Variants in SYNE2 observed in about 807,000 individuals in gnomAD.
SYNE2 encodes nesprin-2.
Under a neutral mutation model 856.3 loss-of-function variants are expected in SYNE2, and 431 were observed. The observed-to-expected ratio is 0.50, with a 90% CI of 0.47 to 0.55. SYNE2 has a LOEUF of 0.55. SYNE2 is among the 20% of genes least tolerant of loss of function. The pLI is 0.00. For synonymous variants in SYNE2, 2,923 were observed against 2,872.3 expected (o/e 1.02, Z -0.56); for missense variants, 8,129 against 8,023.2 (o/e 1.01, Z -0.50).
In SYNE2 at chr14:64,225,033, A is replaced by C. The variant is rs1361721914; in HGVS notation, c.20504A>C (p.Glu6835Ala). 14 of 1,613,732 alleles carry C rather than the reference A, an allele frequency of 8.7e-6. No individual in the cohort carries two copies. The highest frequency in any genetic ancestry group is 4.5e-5 in the East Asian group (2 of 44,870). The change falls in exon 115 of 116, where the codon GAG becomes GCG. Residue 6835 changes from glutamate (E) to alanine (A), a missense_variant. This residue lies in a region of SYNE2 where 5,410 missense variants were observed against 5,284.8 expected (regional missense o/e 1.02). Transcript: ENST00000555002. ...GTGAGAACTACAGAAGGCGAGGAGG[A>C]GACAGAGAGCAGGTAACGGGGCTTT... ...RAVRTTEGEE[E>A]TESRVPGSTR...
rs1330781886 is a variant in SYNE2, at chr14:64,212,869, G to A, written c.18920G>A (p.Gly6307Glu). The A allele has an allele frequency of 3.7e-6, 6 of 1,614,200 alleles. No homozygotes were observed. The highest frequency in any genetic ancestry group is 1.1e-5 in the South Asian group (1 of 91,078). The change falls in exon 105 of 116, where the codon GGG (glycine) becomes GAG (glutamate). Residue 6307 changes from glycine to glutamate, a missense_variant. Physicochemically the swap from Gly to Glu is moderately conservative, Grantham distance 98. Around this residue, in one of 3 missense-constraint regions of SYNE2, gnomAD observed 5,410 missense variants for 5,284.8 expected, o/e 1.02. Transcript: ENST00000555002. ...TNKIDQLIVF[G>E]EQLIQKSEPL... Reference sequence around the variant, plus strand: ...AAGATTGATCAGCTCATTGTGTTTGGGGAGCAGCTGATTCAGAAGAGCGAG... The same window carrying A: ...AAGATTGATCAGCTCATTGTGTTTGAGGAGCAGCTGATTCAGAAGAGCGAG...
intron 96 of SYNE2, among the ~76,000 whole-genome samples, chr14:64,182,879 C>T (rs1019147553): frequency 2.0e-5 from 3 of 152,242 alleles, no homozygotes; most frequent in African/African-American, 7.2e-5. Flanking sequence ...CATCATGGCC[C>T]GTTCTTAATG....
chr14:63,935,290 A>G (rs560341462), intron 2 of SYNE2, among the ~76,000 whole-genome samples: 39 of 152,356 alleles, frequency 2.6e-4, no homozygotes, highest in Admixed American at 9.8e-4. Context: ...AGTGTATATC[A>G]GTAGTCTATA....
rs532258050 is a variant in SYNE2 at position 63,931,687 on chromosome 14, C to G, written c.80-8927C>G. 3.9e-5 allele frequency among the ~76,000 whole-genome samples: 6 copies of G among 152,212 alleles called. No individual in the cohort carries two copies. The South Asian group carries it at 1.2e-3, about 32-fold the overall frequency. On this transcript the variant is annotated intron_variant, in intron 2 of 115. Transcript: ENST00000555002. Reference sequence around the variant, plus strand: ...TACCTTTAGTATTTCGTAAGTCTTTCAATCAGCAAATATTTATTGAGGATG... The same window carrying G: ...TACCTTTAGTATTTCGTAAGTCTTTGAATCAGCAAATATTTATTGAGGATG...
intron 50 of SYNE2, among the ~76,000 whole-genome samples, chr14:64,063,838 C>G (rs573214802): frequency 1.3e-5 from 2 of 152,144 alleles, no homozygotes; most frequent in Admixed American, 1.3e-4. Context: ...CCCCCTTTAT[C>G]CACAGGGGAT....
intron 45 of SYNE2, among the ~76,000 whole-genome samples, chr14:64,047,329 G>A (rs900847155): frequency 3.3e-5 from 5 of 152,128 alleles, no homozygotes; most frequent in Non-Finnish European, 5.9e-5. Context: ...AGGTTAAAGC[G>A]AAGACACCAC....
chr14:64,096,489 A>G lies in SYNE2; in HGVS notation c.12109-1460A>G, dbSNP rs116339884. Reference sequence around the variant, plus strand: ...CTGCTCCATGTAGGACTGTGCCTCTACTCTGTTTGTGTTATCCTAGTGGCT... The same window carrying G: ...CTGCTCCATGTAGGACTGTGCCTCTGCTCTGTTTGTGTTATCCTAGTGGCT... On this transcript the variant is annotated intron_variant, in intron 61 of 115. Transcript: ENST00000555002. Among the ~76,000 whole-genome samples, 840 of 152,160 alleles carry G rather than the reference A, an allele frequency of 5.5e-3. 12 individuals are homozygous for G. The highest frequency in any genetic ancestry group is 0.02 in the African/African-American group (819 of 41,482).
intron 1 of SYNE2, among the ~76,000 whole-genome samples, chr14:63,775,644 T>C (rs1887081464): frequency 6.6e-6 from 1 of 151,808 alleles, no homozygotes. Flanking sequence ...GTAGTGATGT[T>C]ACCACGGCTC....
Position 64,047,991 on chromosome 14 carries a change from G to A in SYNE2, c.7222-9G>A, listed in dbSNP as rs373161954. The stretch of plus-strand genomic sequence containing the variant: ...ACTATTCAGCAATTAATCTTTTTAT[G>A]TATTTCAGGATTCAGCTGTGGAAAT... On this transcript the variant is annotated splice_polypyrimidine_tract_variant and intron_variant, in intron 45 of 115. Coordinates refer to ENST00000555002, the MANE Select transcript of SYNE2 (RefSeq NM_182914.3). 77 of 1,613,044 alleles carry A rather than the reference G, an allele frequency of 4.8e-5. No homozygotes were observed. Among genetic ancestry groups the A allele is most frequent in the Non-Finnish European group, 6.2e-5 (73 of 1,179,478 alleles).
chr14:64,143,012 A>C (rs2098152288), intron 82 of SYNE2, among the ~76,000 whole-genome samples: 1 of 152,228 alleles, frequency 6.6e-6, no homozygotes, highest in Non-Finnish European at 1.5e-5. Context: ...TGAATGGCTT[A>C]ATCACCAAGC....
At chr14:63,845,035 A>AT (rs906675170) in intron 1 of SYNE2, among the ~76,000 whole-genome samples, 29 of 152,082 alleles carry the variant, frequency 1.9e-4, no homozygotes, top group African/African-American at 7.0e-4. Context: ...TTATATCTTT[A>AT]TTTTTTCTAG....
At chr14:64,106,020 C>T (rs1381930841) in intron 64 of SYNE2, among the ~76,000 whole-genome samples, 1 of 146,364 alleles carries the variant, frequency 6.8e-6, no homozygotes, top group East Asian at 2.0e-4. Flanking sequence ...CACTGCACCA[C>T]AGCCTGGTGA....
chr14:64,010,773 G>A (rs1360496451), intron 32 of SYNE2, among the ~76,000 whole-genome samples: 1 of 152,066 alleles, frequency 6.6e-6, no homozygotes, highest in East Asian at 1.9e-4. Context: ...CAAGTAGCTG[G>A]GAATACAGGT....
chr14:64,105,716 G>A (rs933103025), intron 64 of SYNE2, among the ~76,000 whole-genome samples: 4 of 152,184 alleles, frequency 2.6e-5, no homozygotes, highest in Non-Finnish European at 5.9e-5. Flanking sequence ...CTGAATCAAA[G>A]TATATATCCA....
At position 64,090,773 on chromosome 14, in the gene SYNE2, A is replaced by G. The variant is rs1038556584; in HGVS notation, c.11794-93A>G. On this transcript the variant is annotated intron_variant, in intron 59 of 115. Coordinates refer to ENST00000555002, the MANE Select transcript of SYNE2 (RefSeq NM_182914.3). ...AAATTATTTTAAAAATGCAAACTAT[A>G]AAAACTATACTGTATTTTAATTTTG... 10 of 1,164,876 alleles carry G rather than the reference A, an allele frequency of 8.6e-6. No homozygotes were observed. In the South Asian group the frequency reaches 1.5e-4, roughly 17 times the overall value. 72.2% of individuals were successfully genotyped at this position (1,164,876 alleles called of 1,614,324 possible). A position where few individuals can be genotyped will look rare whatever the true frequency, so the allele number is the denominator to read the frequency against.
At chr14:64,167,018 T>G in intron 90 of SYNE2, 1 of 596,926 alleles carries the variant, frequency 1.7e-6, no homozygotes, top group Non-Finnish European at 3.0e-6. Context: ...GCTGTTTGGG[T>G]GCTGGCCGTG....
In SYNE2 at chr14:63,943,709, C is replaced by T. The variant is rs1464628832; in HGVS notation, c.408+1566C>T. ...TTTTTGAGACAGAGTCTTGCTCTGT[C>T]GCCCAGGCTGGAGTGCAGTGGCACG... is the stretch of plus-strand genomic sequence containing the variant. On this transcript the variant is annotated intron_variant, in intron 6 of 115. Transcript: ENST00000555002. Among the ~76,000 whole-genome samples the T allele has an allele frequency of 4.6e-5, 7 of 150,678 alleles. 1 individual carries two copies. The highest frequency in any genetic ancestry group is 1.5e-4 in the African/African-American group (6 of 41,208).
At chr14:63,885,379 T>C (rs1312606032) in intron 1 of SYNE2, among the ~76,000 whole-genome samples, 1 of 152,204 alleles carries the variant, frequency 6.6e-6, no homozygotes, top group African/African-American at 2.4e-5. Context: ...CTTGATGTGC[T>C]TAGGTCTGGA....
intron 63 of SYNE2, chr14:64,099,084 G>A (rs2097700445): frequency 4.6e-6 from 2 of 435,716 alleles, no homozygotes; most frequent in South Asian, 4.5e-5. Context: ...GTAGTATCCT[G>A]ATTTCTGAGG....
Sources: gnomAD v4.1 joint callset for allele counts (sites outside exome capture counted in the v4.1 genomes callset) on GRCh38, gnomAD v4.1.1 for gene constraint, gnomAD v4.1.1 regional missense constraint, MANE v1.5 for transcripts, NCBI Gene and HGNC (gene_info 2026-07-23, HGNC 2026-07-21) for gene names.